The following PTK2B variants were observed in gnomAD, a reference collection of about 807,000 sequenced individuals.
PTK2B encodes the protein protein-tyrosine kinase 2-beta.
Under a neutral mutation model 142.9 loss-of-function variants are expected in PTK2B, and 71 were observed. The ratio of observed to expected loss-of-function variants is 0.50; its 90% CI spans 0.41 to 0.61. PTK2B has a LOEUF of 0.61. Among genes scored for constraint, PTK2B ranks in the 20% least tolerant of loss-of-function variants. The pLI is 0.00. For synonymous variants in PTK2B, 519 were observed against 503.4 expected (o/e 1.03, Z -0.42); for missense variants, 1,105 against 1,320.4 (o/e 0.84, Z 2.53).
chr8:27,449,064 C>CAG (rs751547435), intron 24 of PTK2B, among the ~76,000 whole-genome samples: 1 of 152,090 alleles, frequency 6.6e-6, no homozygotes, highest in Non-Finnish European at 1.5e-5. Flanking sequence ...GTGGGGAGGC[C>CAG]AGAGATGCTG....
intron 11 of PTK2B, 132 bp from the exon 12 acceptor site, chr8:27,433,961 C>G: frequency 7.9e-7 from 1 of 1,262,700 alleles, no homozygotes; most frequent in Non-Finnish European, 1.2e-6. Flanking sequence ...CACTAGCTCC[C>G]AGGCTAGGAG....
At chr8:27,419,460 G>C (rs1175089294) in intron 2 of PTK2B, among the ~76,000 whole-genome samples, 9 of 152,188 alleles carry the variant, frequency 5.9e-5, no homozygotes, top group African/African-American at 1.9e-4. Flanking sequence ...CTGCTTCCCT[G>C]TGTTGTGTGG....
intron 1 of PTK2B, among the ~76,000 whole-genome samples, chr8:27,336,149 G>A (rs1449624643): frequency 6.6e-6 from 1 of 152,164 alleles, no homozygotes; most frequent in Admixed American, 6.5e-5. Context: ...TGTGTGAGTG[G>A]CGGGAGGGGC....
At position 27,420,068 on chromosome 8, in the gene PTK2B, G is replaced by A. The variant is rs200979526; in HGVS notation, c.378G>A (p.Glu126=). The change falls in exon 3 of 31, where the codon GAG becomes GAA. Residue 126 remains glutamate (E), a synonymous_variant. Transcript: ENST00000346049. ...DKYECLHVEA[E]WRYDLQIRYL... ...ATGAGTGTCTGCACGTGGAAGCCGA[G>A]TGGAGGTAGGAGTGGATTCCTGGGC... is the stretch of plus-strand genomic sequence containing the variant. 6.2e-6 allele frequency: 10 copies of A among 1,614,042 alleles called. No homozygotes were observed. The highest frequency in any genetic ancestry group is 1.1e-5 in the South Asian group (1 of 91,086).
chr8:27,330,058 C>T (rs375848670), intron 1 of PTK2B, among the ~76,000 whole-genome samples: 2 of 152,256 alleles, frequency 1.3e-5, no homozygotes, highest in African/African-American at 4.8e-5. Flanking sequence ...CTTGTGGAGT[C>T]TGGGGGTGGA....
chr8:27,354,884 C>T (rs947183808), intron 1 of PTK2B, among the ~76,000 whole-genome samples: 9 of 152,068 alleles, frequency 5.9e-5, no homozygotes, highest in East Asian at 3.9e-4. Context: ...GGTCTTCCGA[C>T]GGAATCATCC....
intron 2 of PTK2B, among the ~76,000 whole-genome samples, chr8:27,417,060 T>G (rs1809443379): frequency 6.6e-6 from 1 of 152,238 alleles, no homozygotes; most frequent in African/African-American, 2.4e-5. Context: ...ACATCTATCT[T>G]TGATCCAGTA....
At chr8:27,420,892 T>A (rs1174679556) in intron 4 of PTK2B, 148 bp downstream of exon 4, 1 of 723,368 alleles carries the variant, frequency 1.4e-6, no homozygotes, top group East Asian at 2.7e-5. Flanking sequence ...AGGTCCTTGG[T>A]CTATGGTCCG....
chr8:27,395,449 G>A (rs1299563183), intron 1 of PTK2B, among the ~76,000 whole-genome samples: 1 of 152,168 alleles, frequency 6.6e-6, no homozygotes, highest in Non-Finnish European at 1.5e-5. Flanking sequence ...ACTAGAGTGT[G>A]TGCTCTTTAG....
At chr8:27,421,210 G>A (rs776394005) in intron 4 of PTK2B, among the ~76,000 whole-genome samples, 9 of 151,930 alleles carry the variant, frequency 5.9e-5, no homozygotes, top group Admixed American at 2.0e-4. Context: ...TTGTTGTAGG[G>A]ACCAGATGAT....
At chr8:27,353,778 A>G (rs938879883) in intron 1 of PTK2B, among the ~76,000 whole-genome samples, 2 of 152,216 alleles carry the variant, frequency 1.3e-5, no homozygotes, top group African/African-American at 4.8e-5. Flanking sequence ...AGACCTGACT[A>G]TGGGTGGCTC....
chr8:27,355,330 G>A (rs993128933), intron 1 of PTK2B, among the ~76,000 whole-genome samples: 2 of 152,110 alleles, frequency 1.3e-5, no homozygotes, highest in African/African-American at 2.4e-5. Flanking sequence ...GGAGGGAAGA[G>A]AGAGAGAAGA....
chr8:27,346,752 T>A (rs1190859792), intron 1 of PTK2B, among the ~76,000 whole-genome samples: 1 of 152,212 alleles, frequency 6.6e-6, no homozygotes, highest in Non-Finnish European at 1.5e-5. Context: ...AAAGGTATCT[T>A]TTCCTTGAGC....
chr8:27,432,997 T>C (rs1810534920), intron 10 of PTK2B, among the ~76,000 whole-genome samples: 1 of 152,208 alleles, frequency 6.6e-6, no homozygotes, highest in Non-Finnish European at 1.5e-5. Flanking sequence ...CAACTAATTT[T>C]TGTACTTTTA....
chr8:27,455,868 C>T (rs1038524228), intron 30 of PTK2B, among the ~76,000 whole-genome samples: 1 of 152,260 alleles, frequency 6.6e-6, no homozygotes, highest in Non-Finnish European at 1.5e-5. Context: ...TTTGTTGGTT[C>T]TCCGTCTGGA....
At position 27,365,957 on chromosome 8, in the gene PTK2B, T is replaced by C. The variant is rs145600600; in HGVS notation, c.-37-31591T>C. Among the ~76,000 whole-genome samples the C allele has an allele frequency of 4.9e-3, 749 of 152,336 alleles. 4 individuals are homozygous for C. Among genetic ancestry groups the C allele is most frequent in the African/African-American group, 0.017 (701 of 41,574 alleles). ...GAAGCATTTCAAACAGAACCACTAA[T>C]CATACCTGATGTTTTTATTGTTTTC... On this transcript the variant is annotated intron_variant, in intron 1 of 30. Coordinates refer to ENST00000346049, the MANE Select transcript of PTK2B (RefSeq NM_173176.3).
chr8:27,402,061 A>G (rs1014068429), intron 2 of PTK2B, among the ~76,000 whole-genome samples: 2 of 152,240 alleles, frequency 1.3e-5, no homozygotes, highest in African/African-American at 4.8e-5. Flanking sequence ...ATATAAGGAA[A>G]CTAAGCACAG....
intron 3 of PTK2B, among the ~76,000 whole-genome samples, chr8:27,320,158 C>T (rs766173482): frequency 1.1e-4 from 16 of 152,228 alleles, no homozygotes; most frequent in Non-Finnish European, 1.5e-4. Context: ...GTAGGAAGCA[C>T]GTAGGGACTC....
intron 22 of PTK2B, among the ~76,000 whole-genome samples, chr8:27,443,703 T>C (rs1419210772): frequency 6.6e-6 from 1 of 152,212 alleles, no homozygotes; most frequent in African/African-American, 2.4e-5. Context: ...GGGTTCAGGC[T>C]TCAACATGCA....
Sources: allele counts gnomAD v4.1 joint callset (sites outside exome capture counted in the v4.1 genomes callset), GRCh38; gene constraint gnomAD v4.1.1; transcripts MANE v1.5; gene names NCBI Gene and HGNC (gene_info 2026-07-23, HGNC 2026-07-21).